Variants in TENT2 observed in about 807,000 individuals in gnomAD.
The protein encoded by TENT2 is poly(A) RNA polymerase GLD2.
Under a neutral mutation model 72.2 loss-of-function variants are expected in TENT2, and 44 were observed. The ratio of observed to expected loss-of-function variants is 0.61; its 90% CI spans 0.48 to 0.78. The LOEUF is 0.78. TENT2 is among the 30% of genes least tolerant of loss of function. The pLI, the probability that TENT2 is intolerant of heterozygous loss-of-function variation, is 0.00. For synonymous variants in TENT2, 212 were observed against 192.5 expected (o/e 1.10, Z -0.84); for missense variants, 541 against 569.6 (o/e 0.95, Z 0.51).
In TENT2 at chr5:79,640,977, T is replaced by C; in HGVS notation, c.580+12T>C. ...GCTGTTATTTCCACGTATGTTTCCC[T>C]ATTTTGCATGTCCTTTAGGTATATG... On this transcript the variant is annotated intron_variant, in intron 5 of 14. Coordinates refer to ENST00000453514, the MANE Select transcript of TENT2 (RefSeq NM_001114394.3). 6.3e-7 allele frequency: 1 copy of C among 1,588,334 alleles called. No individual in the cohort carries two copies. Among genetic ancestry groups the C allele is most frequent in the East Asian group, 2.2e-5 (1 of 44,468 alleles).
intron 4 of TENT2, among the ~76,000 whole-genome samples, chr5:79,632,542 T>C (rs1273444087): frequency 1.3e-5 from 2 of 152,216 alleles, no homozygotes; most frequent in African/African-American, 2.4e-5. Context: ...GAAGGTATTA[T>C]GTGAATTGAC....
chr5:79,676,690 T>C (rs1047015677), intron 12 of TENT2, among the ~76,000 whole-genome samples: 1 of 152,112 alleles, frequency 6.6e-6, no homozygotes, highest in African/African-American at 2.4e-5. Flanking sequence ...TATAATTGGT[T>C]GTCTCAGTTT....
rs1810863590 is a variant in TENT2 at position 79,669,112 on chromosome 5, G to A, written c.1208+84G>A. On this transcript the variant is annotated intron_variant, in intron 12 of 14. Coordinates refer to ENST00000453514, the MANE Select transcript of TENT2 (RefSeq NM_001114394.3). ...TATATATATGAATACGAATATATAA[G>A]TAAATGCTACAGATTTAGTCAGGAG... The A allele has an allele frequency of 3.5e-6, 5 of 1,438,600 alleles. No individual in the cohort carries two copies. In the East Asian group the frequency reaches 1.2e-4, roughly 33 times the overall value. The allele number at this position is 1,438,600 out of a possible 1,614,324, so 89.1% of individuals were successfully genotyped here. A position where few individuals can be genotyped will look rare whatever the true frequency, so the allele number is the denominator to read the frequency against.
At chr5:79,622,988 G>T (rs781761674) in intron 3 of TENT2, among the ~76,000 whole-genome samples, 1 of 151,844 alleles carries the variant, frequency 6.6e-6, no homozygotes, top group Non-Finnish European at 1.5e-5. Context: ...GAAACATTGG[G>T]GTAGTTCAAA....
In TENT2 at chr5:79,688,075, C is replaced by T. The variant is rs937775178; in HGVS notation, c.*2802C>T. ...TGCTGTTTTCCCTCCTTATGCCCCA[C>T]TAGCTGATGTATCTGTACTGTAATT... is the stretch of plus-strand genomic sequence containing the variant. On this transcript the variant is annotated 3_prime_UTR_variant, in exon 15 of 15. Transcript: ENST00000453514. Among the ~76,000 whole-genome samples, 1 of 152,206 alleles carries T rather than the reference C, an allele frequency of 6.6e-6. No individual in the cohort carries two copies. The highest frequency in any genetic ancestry group is 2.4e-5 in the African/African-American group (1 of 41,440).
At chr5:79,634,484 C>T (rs1008766627) in intron 4 of TENT2, among the ~76,000 whole-genome samples, 2 of 151,872 alleles carry the variant, frequency 1.3e-5, no homozygotes, top group African/African-American at 4.8e-5. Context: ...CTACAGGCAC[C>T]TGTCACCATG....
chr5:79,675,821 T>C (rs1816852478), intron 12 of TENT2, among the ~76,000 whole-genome samples: 1 of 152,136 alleles, frequency 6.6e-6, no homozygotes, highest in Non-Finnish European at 1.5e-5. Context: ...TGGTTGTAAA[T>C]GTTAGCCTGG....
chr5:79,657,944 A>G (rs144129599), intron 11 of TENT2, among the ~76,000 whole-genome samples: 1 of 152,354 alleles, frequency 6.6e-6, no homozygotes, highest in African/African-American at 2.4e-5. Context: ...CACACAAAAT[A>G]TAACAAATTT....
At chr5:79,668,397 C>G (rs1810219802) in intron 11 of TENT2, among the ~76,000 whole-genome samples, 1 of 152,060 alleles carries the variant, frequency 6.6e-6, no homozygotes, top group South Asian at 2.1e-4. Flanking sequence ...TTTATAAAAT[C>G]TTAAAATTAG....
At chr5:79,669,936 G>A (rs1811599909) in intron 12 of TENT2, among the ~76,000 whole-genome samples, 1 of 152,024 alleles carries the variant, frequency 6.6e-6, no homozygotes, top group Non-Finnish European at 1.5e-5. Flanking sequence ...GCTAATAAGA[G>A]TAGTATTTCA....
At chr5:79,668,665 T>C in intron 11 of TENT2, 1 of 439,486 alleles carries the variant, frequency 2.3e-6, no homozygotes, top group East Asian at 3.6e-5. Flanking sequence ...GTTAACTGAG[T>C]GATATACTCA....
intron 4 of TENT2, among the ~76,000 whole-genome samples, chr5:79,626,210 A>G (rs1334937969): frequency 6.6e-6 from 1 of 151,724 alleles, no homozygotes; most frequent in East Asian, 1.9e-4. Context: ...ATCATAGCTC[A>G]TTGCAGCCTT....
intron 11 of TENT2, among the ~76,000 whole-genome samples, chr5:79,660,189 G>C (rs527640126): frequency 9.2e-5 from 14 of 152,002 alleles, no homozygotes; most frequent in Non-Finnish European, 1.8e-4. Flanking sequence ...AGGGATAAAA[G>C]GCTATAAACA....
intron 12 of TENT2, among the ~76,000 whole-genome samples, chr5:79,671,766 A>G (rs1355027019): frequency 3.9e-5 from 6 of 152,136 alleles, no homozygotes; most frequent in East Asian, 3.8e-4. Context: ...ATGCTTGAGT[A>G]TATGGTATAA....
intron 11 of TENT2, among the ~76,000 whole-genome samples, chr5:79,667,757 G>C (rs1337060939): frequency 1.3e-5 from 2 of 151,946 alleles, no homozygotes; most frequent in African/African-American, 4.8e-5. Flanking sequence ...TATTTTGGGG[G>C]CACTAGCATT....
chr5:79,663,906 G>T (rs1025418168), intron 11 of TENT2, among the ~76,000 whole-genome samples: 1 of 152,128 alleles, frequency 6.6e-6, no homozygotes, highest in African/African-American at 2.4e-5. Context: ...AGGTGTGCCT[G>T]TATATATACA....
At chr5:79,665,653 AT>A (rs1342844644) in intron 11 of TENT2, among the ~76,000 whole-genome samples, 1 of 152,204 alleles carries the variant, frequency 6.6e-6, no homozygotes, top group Non-Finnish European at 1.5e-5. Context: ...CAGGTTATAC[AT>A]TTGATTATCA....
At chr5:79,615,756 C>G (rs1759267537) in intron 1 of TENT2, among the ~76,000 whole-genome samples, 1 of 151,358 alleles carries the variant, frequency 6.6e-6, no homozygotes, top group East Asian at 1.9e-4. Flanking sequence ...GTTGACCAGG[C>G]TGGAGTGCAG....
intron 11 of TENT2, among the ~76,000 whole-genome samples, chr5:79,658,473 G>A (rs2150347037): frequency 6.6e-6 from 1 of 151,798 alleles, no homozygotes; most frequent in Non-Finnish European, 1.5e-5. Flanking sequence ...TTACAGGCAT[G>A]AGCCACTACA....
Sources: allele counts gnomAD v4.1 joint callset (sites outside exome capture counted in the v4.1 genomes callset), GRCh38; gene constraint gnomAD v4.1.1; transcripts MANE v1.5; gene names NCBI Gene and HGNC (gene_info 2026-07-23, HGNC 2026-07-21).